Variants in CDH23 observed in about 807,000 individuals in gnomAD.
The protein encoded by CDH23 is cadherin-23.
CDH23 carries 189 observed loss-of-function variants against 317.1 expected under a neutral mutation model. The ratio of observed to expected loss-of-function variants is 0.60; its 90% confidence interval spans 0.53 to 0.67. CDH23 has a LOEUF of 0.67. Ranked by LOEUF, CDH23 falls within the 30% of genes least tolerant of loss-of-function variation. CDH23 has a pLI of 0.00. For missense variants in CDH23, 4,401 were observed against 4,592.4 expected (o/e 0.96, Z 1.20); for synonymous variants, 1,839 against 1,876.8 (o/e 0.98, Z 0.52).
Position 71,570,825 on chromosome 10 carries a change from C to A in CDH23, c.660C>A (p.Ala220=), listed in dbSNP as rs1340257058. 6.2e-7 allele frequency: 1 copy of A among 1,613,934 alleles called. No individual in the cohort carries two copies. Among genetic ancestry groups the A allele is most frequent in the Non-Finnish European group, 8.5e-7 (1 of 1,179,860 alleles). ...AGACCAGGCCTCTGTCCACCCTGGC[C>A]AACTTGGCCATCATCATCACAGATG... ...QDKTRPLSTL[A]NLAIIITDVQ... is the part of the protein sequence containing the mutation. The change falls in exon 8 of 70, where the codon GCC becomes GCA. Residue 220 remains alanine, a synonymous_variant. Transcript: ENST00000224721.
At chr10:71,594,856 A>C (rs942570192) in intron 9 of CDH23, among the ~76,000 whole-genome samples, 2 of 152,246 alleles carry the variant, frequency 1.3e-5, no homozygotes, top group African/African-American at 4.8e-5. Context: ...TGACAAAATG[A>C]TTTAATGTCA....
intron 3 of CDH23, among the ~76,000 whole-genome samples, chr10:71,488,547 C>T (rs572618286): frequency 1.3e-5 from 2 of 152,286 alleles, no homozygotes; most frequent in Admixed American, 1.3e-4. Flanking sequence ...CATTCTGTTC[C>T]CAGCCTTGAT....
chr10:71,646,925 C>T (rs1457371763), intron 14 of CDH23: 2 of 1,411,010 alleles, frequency 1.4e-6, no homozygotes, highest in Non-Finnish European at 1.8e-6. Context: ...GAAGCCCCCT[C>T]AAATGGGTGG....
Position 71,694,198 on chromosome 10 carries a change from T to C in CDH23, c.2228T>C (p.Ile743Thr). Reference sequence around the variant, plus strand: ...GACCGAGAGACCAAGTCTGAATACATCCTCATCGTTCGCGCAGTGGACGGG... The same window carrying C: ...GACCGAGAGACCAAGTCTGAATACACCCTCATCGTTCGCGCAGTGGACGGG... ...LLDRETKSEY[I>T]LIVRAVDGGV... Residue 743 changes from isoleucine (I) to threonine (T), a missense_variant, in exon 21 of 70, where the codon ATC (isoleucine) becomes ACC (threonine). Ile to Thr is a moderately conservative substitution (Grantham distance 89, BLOSUM62 -1). Coordinates refer to ENST00000224721, the MANE Select transcript of CDH23 (RefSeq NM_022124.6). 6.2e-7 allele frequency: 1 copy of C among 1,613,474 alleles called. No homozygotes were observed. The highest frequency in any genetic ancestry group is 8.5e-7 in the Non-Finnish European group (1 of 1,179,788).
chr10:71,746,651 G>A (rs368943929), intron 38 of CDH23, among the ~76,000 whole-genome samples: 6 of 152,336 alleles, frequency 3.9e-5, no homozygotes, highest in African/African-American at 1.4e-4. Context: ...AAGGTAACTG[G>A]GAGGTCAGGA....
chr10:71,538,976 C>T (rs1237401941), intron 6 of CDH23, among the ~76,000 whole-genome samples: 4 of 152,124 alleles, frequency 2.6e-5, no homozygotes, highest in Admixed American at 6.5e-5. Context: ...TGAAACTGCT[C>T]TCCTCACTTG....
intron 1 of CDH23, among the ~76,000 whole-genome samples, chr10:71,411,525 A>G (rs937332231): frequency 1.3e-5 from 2 of 152,036 alleles, no homozygotes; most frequent in Non-Finnish European, 2.9e-5. Flanking sequence ...TTTGATTTTT[A>G]AAAACATATA....
chr10:71,442,609 A>G (rs1185821791), intron 2 of CDH23, among the ~76,000 whole-genome samples: 2 of 152,142 alleles, frequency 1.3e-5, no homozygotes, highest in Admixed American at 6.5e-5. Context: ...TCTGGCCTCA[A>G]TGTACTCTAG....
intron 14 of CDH23, among the ~76,000 whole-genome samples, chr10:71,663,323 G>A (rs183828678): frequency 7.9e-5 from 12 of 152,258 alleles, no homozygotes; most frequent in East Asian, 7.7e-4. Flanking sequence ...GCCCCGACCC[G>A]TCTCTGAACC....
At chr10:71,774,585 GAGA>G (rs1480191502) in intron 38 of CDH23, among the ~76,000 whole-genome samples, 10 of 152,370 alleles carry the variant, frequency 6.6e-5, no homozygotes, top group Admixed American at 2.6e-4. Flanking sequence ...GCTGGGCGTG[GAGA>G]AGGTTTTACT....
At chr10:71,694,736 G>A (rs965868922) in intron 21 of CDH23, among the ~76,000 whole-genome samples, 14 of 152,210 alleles carry the variant, frequency 9.2e-5, no homozygotes, top group African/African-American at 2.6e-4. Flanking sequence ...ATGAGCTCTC[G>A]GCTGCAGAAG....
intron 14 of CDH23, among the ~76,000 whole-genome samples, chr10:71,659,454 C>T (rs1863552459): frequency 6.6e-6 from 1 of 152,164 alleles, no homozygotes; most frequent in Admixed American, 6.5e-5. Context: ...GTTGAGCTGG[C>T]TCTGTGGGTT....
At chr10:71,694,106 C>G (rs1259948034) in intron 20 of CDH23, 41 bp from the exon 21 acceptor site, 1 of 1,517,098 alleles carries the variant, frequency 6.6e-7, no homozygotes, top group East Asian at 2.3e-5. Context: ...TCTCCCTGGC[C>G]CACCCAAACC....
At chr10:71,812,240 T>C (rs2133005528) in intron 66 of CDH23, 2 of 1,597,476 alleles carry the variant, frequency 1.3e-6, no homozygotes, top group South Asian at 1.1e-5. Flanking sequence ...ATGCAGACTT[T>C]GGGCAGTGGG....
At chr10:71,460,795 G>A (rs72642235) in intron 3 of CDH23, among the ~76,000 whole-genome samples, 1,794 of 152,332 alleles carry the variant, frequency 0.012, 82 homozygotes, top group East Asian at 0.12. Flanking sequence ...GAGTTGGGGC[G>A]GTAGTGGCCA....
chr10:71,694,178 A>C lies in CDH23; in HGVS notation c.2208A>C (p.Arg736=). ...GEITTTSLLD[R]ETKSEYILIV... ...TCACCACCACGTCTCTGCTTGACCG[A>C]GAGACCAAGTCTGAATACATCCTCA... is the stretch of plus-strand genomic sequence containing the variant. The change falls in exon 21 of 70, where the codon CGA becomes CGC. Residue 736 remains arginine, a synonymous_variant. Coordinates refer to ENST00000224721, the MANE Select transcript of CDH23 (RefSeq NM_022124.6). 6.2e-7 allele frequency: 1 copy of C among 1,613,696 alleles called. No homozygotes were observed. Among genetic ancestry groups the C allele is most frequent in the Middle Eastern group, 1.6e-4 (1 of 6,062 alleles).
intron 20 of CDH23, among the ~76,000 whole-genome samples, chr10:71,692,021 G>A (rs964908710): frequency 6.6e-6 from 1 of 152,144 alleles, no homozygotes; most frequent in Non-Finnish European, 1.5e-5. Flanking sequence ...ATTCCCAGGG[G>A]TCTCAGAGTC....
chr10:71,713,383 C>T (rs866663634), intron 28 of CDH23: 1 of 716,472 alleles, frequency 1.4e-6, no homozygotes. Context: ...GGGAGGGAGG[C>T]CCGGAGTGAA....
At chr10:71,646,963 C>A in intron 14 of CDH23, 1 of 985,326 alleles carries the variant, frequency 1.0e-6, no homozygotes, top group Non-Finnish European at 1.2e-6. Flanking sequence ...TTGAGAAGGG[C>A]AACCCTCTCC....
Sources: allele counts gnomAD v4.1 joint callset (sites outside exome capture counted in the v4.1 genomes callset), GRCh38; gene constraint gnomAD v4.1.1; transcripts MANE v1.5; gene names NCBI Gene and HGNC (gene_info 2026-07-23, HGNC 2026-07-21).